The following DIAPH1 variants were observed in gnomAD, a reference collection of about 807,000 sequenced individuals.
DIAPH1 encodes the protein protein diaphanous homolog 1.
DIAPH1 carries 46 observed loss-of-function variants against 140.7 expected under a neutral mutation model. That is an observed-to-expected ratio of 0.33 (90% confidence interval 0.26 to 0.42). The LOEUF is 0.42. Among genes scored for constraint, DIAPH1 ranks in the 10% least tolerant of loss-of-function variants. DIAPH1 has a pLI of 1.00. For synonymous variants in DIAPH1, 565 were observed against 551.6 expected (o/e 1.02, Z -0.34); for missense variants, 1,310 against 1,558.7 (o/e 0.84, Z 2.69).
At chr5:141,600,858 AAAGGACTCACTC>A (rs1209193853) in intron 1 of DIAPH1, among the ~76,000 whole-genome samples, 1 of 152,218 alleles carries the variant, frequency 6.6e-6, no homozygotes. Context: ...AAAAATAACT[AAAGGACTCACTC>A]AAGCCAGGTT....
At chr5:141,517,390 T>C (rs1002357633) in intron 27 of DIAPH1, among the ~76,000 whole-genome samples, 6 of 152,194 alleles carry the variant, frequency 3.9e-5, no homozygotes, top group African/African-American at 1.2e-4. Flanking sequence ...GTTTAGTACA[T>C]AGTATTATTT....
intron 1 of DIAPH1, among the ~76,000 whole-genome samples, chr5:141,592,065 G>C (rs1023937691): frequency 6.8e-6 from 1 of 146,778 alleles, no homozygotes; most frequent in Non-Finnish European, 1.5e-5. Context: ...CTGGGTGACA[G>C]AGCGAGACTC....
chr5:141,581,397 A>G (rs1411720335), intron 7 of DIAPH1, among the ~76,000 whole-genome samples: 1 of 152,228 alleles, frequency 6.6e-6, no homozygotes, highest in Non-Finnish European at 1.5e-5. Flanking sequence ...TACACTAGCA[A>G]ATTAATACAG....
At chr5:141,533,351 T>C (rs1248351689) in intron 19 of DIAPH1, among the ~76,000 whole-genome samples, 1 of 152,224 alleles carries the variant, frequency 6.6e-6, no homozygotes, top group Non-Finnish European at 1.5e-5. Flanking sequence ...ATCAAATAAG[T>C]ACTACCTATA....
At chr5:141,588,115 A>G in intron 2 of DIAPH1, 109 bp downstream of exon 2, 1 of 890,050 alleles carries the variant, frequency 1.1e-6, no homozygotes, top group South Asian at 1.4e-5. Flanking sequence ...ACTGAGTAGA[A>G]GCCATATCAC....
At chr5:141,615,708 A>C (rs1004649355) in intron 1 of DIAPH1, among the ~76,000 whole-genome samples, 39 of 152,262 alleles carry the variant, frequency 2.6e-4, no homozygotes, top group Middle Eastern at 6.8e-3. Context: ...GCACCACTGC[A>C]CTCCAGCCTG....
At chr5:141,523,744 T>G (rs1403089365) in intron 27 of DIAPH1, among the ~76,000 whole-genome samples, 1 of 151,190 alleles carries the variant, frequency 6.6e-6, no homozygotes, top group Non-Finnish European at 1.5e-5. Flanking sequence ...CTTCTGCTTG[T>G]GAAGTCCAGA....
chr5:141,533,441 C>T (rs998927962), intron 19 of DIAPH1, among the ~76,000 whole-genome samples: 5 of 152,176 alleles, frequency 3.3e-5, no homozygotes, highest in African/African-American at 1.2e-4. Context: ...CAGAACAGAA[C>T]CCTTCTCTGG....
At chr5:141,558,327 G>A (rs1232344542) in intron 18 of DIAPH1, 2 of 152,070 alleles carry the variant, frequency 1.3e-5, no homozygotes, top group Non-Finnish European at 2.9e-5. Context: ...TGATTCCCCA[G>A]CTTCAATAAT....
chr5:141,517,084 C>A, intron 27 of DIAPH1, 76 bp from the exon 28 acceptor site: 1 of 1,560,452 alleles, frequency 6.4e-7, no homozygotes, highest in East Asian at 2.3e-5. Flanking sequence ...AGCAGATAAT[C>A]AGCGTAAGCC....
chr5:141,569,686 C>A (rs562512047), intron 18 of DIAPH1, among the ~76,000 whole-genome samples: 1 of 152,072 alleles, frequency 6.6e-6, no homozygotes, highest in South Asian at 2.1e-4. Context: ...CCCTTGAACC[C>A]GGGAGGCGAA....
intron 18 of DIAPH1, chr5:141,564,416 G>A (rs2099894066): frequency 6.6e-6 from 1 of 152,218 alleles, no homozygotes; most frequent in Admixed American, 6.5e-5. Context: ...GCTGAAAGCA[G>A]TAAAGCACAC....
At chr5:141,601,397 C>T (rs985838174) in intron 1 of DIAPH1, among the ~76,000 whole-genome samples, 2 of 152,022 alleles carry the variant, frequency 1.3e-5, no homozygotes, top group Non-Finnish European at 2.9e-5. Flanking sequence ...CAAGTGATCT[C>T]CTGCCTCAGC....
At chr5:141,562,620 C>CAAAAAA (rs1353631853) in intron 18 of DIAPH1, among the ~76,000 whole-genome samples, 1 of 130,782 alleles carries the variant, frequency 7.6e-6, no homozygotes, top group African/African-American at 2.7e-5. Context: ...AAAAAAAAAA[C>CAAAAAA]AAACAAAAAA....
intron 3 of DIAPH1, 126 bp from the exon 4 acceptor site, chr5:141,584,351 T>C (rs2154596619): frequency 1.5e-6 from 1 of 665,514 alleles, no homozygotes. Context: ...ATAAATCTTT[T>C]TGATCCCTAG....
chr5:141,600,376 T>C (rs1184539054), intron 1 of DIAPH1, among the ~76,000 whole-genome samples: 1 of 152,216 alleles, frequency 6.6e-6, no homozygotes, highest in African/African-American at 2.4e-5. Flanking sequence ...AGATCCCAGA[T>C]ACACAATCCA....
In DIAPH1 at chr5:141,582,426, C is replaced by T. The variant is rs757016381; in HGVS notation, c.621-51G>A. ...AGGTCCCTTTATTCTCTACCCCTTTCCCATTTTTAATCTTGCAAACAAGGT... is the reference window on the plus strand; with the variant it reads ...AGGTCCCTTTATTCTCTACCCCTTTTCCATTTTTAATCTTGCAAACAAGGT... On this transcript the variant is annotated intron_variant, in intron 6 of 27. Transcript: ENST00000389054. 5.2e-6 allele frequency: 7 copies of T among 1,355,134 alleles called. No homozygotes were observed. In the East Asian group the frequency reaches 1.4e-4, roughly 27 times the overall value. The allele number at this position is 1,355,134 out of a possible 1,614,324, so 83.9% of individuals were successfully genotyped here. A position where few individuals can be genotyped will look rare whatever the true frequency, so the allele number is the denominator to read the frequency against.
rs2099892139 is a variant in DIAPH1 at position 141,553,895 on chromosome 5, A to C, written c.2482+17533T>G. 2.0e-5 allele frequency among the ~76,000 whole-genome samples: 3 copies of C among 152,254 alleles called. No homozygotes were observed. In the South Asian group the frequency reaches 6.2e-4, roughly 32 times the overall value. ...TTAAATTCAGTATTTTAAAACAAGA[A>C]AGAAAAACAGAGAAATCAGGCATAA... On this transcript the variant is annotated intron_variant, in intron 18 of 27. Transcript: ENST00000389054.
intron 24 of DIAPH1, among the ~76,000 whole-genome samples, chr5:141,527,076 G>A (rs1466225664): frequency 6.6e-6 from 1 of 152,152 alleles, no homozygotes; most frequent in Admixed American, 6.5e-5. Flanking sequence ...CTCTGGGGAG[G>A]GGAAAGAGAG....
Sources: gnomAD v4.1 joint callset for allele counts (sites outside exome capture counted in the v4.1 genomes callset) on GRCh38, gnomAD v4.1.1 for gene constraint, MANE v1.5 for transcripts, NCBI Gene and HGNC (gene_info 2026-07-23, HGNC 2026-07-21) for gene names.